ITGA1: variants seen among roughly 807,000 people sequenced by gnomAD.
The protein encoded by ITGA1 is integrin subunit alpha 1, also known as integrin alpha-1.
A neutral mutation model predicts 145.9 loss-of-function variants in ITGA1; 85 were observed. The observed-to-expected ratio is 0.58, with a 90% confidence interval of 0.49 to 0.70. The LOEUF is 0.70. ITGA1 is among the 30% of genes least tolerant of loss of function. The probability of loss-of-function intolerance (pLI) is 0.00; values close to 1 mark genes in which losing one functional copy is unlikely to be tolerated. For missense variants in ITGA1, 1,351 were observed against 1,418.7 expected (o/e 0.95, Z 0.77); for synonymous variants, 520 against 495.3 (o/e 1.05, Z -0.66).
chr5:52,856,361 C>G (rs1333956202), intron 2 of ITGA1, among the ~76,000 whole-genome samples: 1 of 152,110 alleles, frequency 6.6e-6, no homozygotes, highest in Non-Finnish European at 1.5e-5. Flanking sequence ...TAGATTTTCC[C>G]CCACTTGATA....
At chr5:52,935,738 C>T (rs1309468781) in intron 23 of ITGA1, among the ~76,000 whole-genome samples, 1 of 152,070 alleles carries the variant, frequency 6.6e-6, no homozygotes, top group Admixed American at 6.6e-5. Context: ...AAGGAAAATG[C>T]CATAGCATAA....
At position 52,861,341 on chromosome 5, in the gene ITGA1, C is replaced by T. The variant is rs899678697; in HGVS notation, c.183-106C>T. ...AAATTACTAATAGCATGATTATTAT[C>T]TGATTATGAGTGTTATTGTCAATTA... On this transcript the variant is annotated intron_variant, in intron 2 of 28. Coordinates refer to ENST00000282588, the MANE Select transcript of ITGA1 (RefSeq NM_181501.2). The T allele has an allele frequency of 8.8e-6, 6 of 681,128 alleles. No individual in the cohort carries two copies. The African/African-American group carries it at 1.1e-4, about 12-fold the overall frequency. The allele number at this position is 681,128 out of a possible 1,614,324, so 42.2% of individuals were successfully genotyped here.
chr5:52,881,061 G>A (rs1486720804), intron 6 of ITGA1, among the ~76,000 whole-genome samples: 4 of 152,176 alleles, frequency 2.6e-5, no homozygotes, highest in Admixed American at 6.5e-5. Flanking sequence ...CCAATCTGTG[G>A]ACTAAAGGGA....
intron 23 of ITGA1, among the ~76,000 whole-genome samples, chr5:52,935,552 C>A (rs1046402150): frequency 6.6e-6 from 1 of 152,082 alleles, no homozygotes; most frequent in Non-Finnish European, 1.5e-5. Context: ...TCATTCCAAC[C>A]TTCTTACCTC....
intron 1 of ITGA1, among the ~76,000 whole-genome samples, chr5:52,795,124 C>T (rs1480353023): frequency 6.6e-6 from 1 of 151,750 alleles, no homozygotes; most frequent in Non-Finnish European, 1.5e-5. Flanking sequence ...GTTAAAAACT[C>T]TGAATTAAAG....
chr5:52,844,541 C>T (rs6895807), intron 1 of ITGA1, among the ~76,000 whole-genome samples: 41,827 of 151,994 alleles, frequency 0.28, 6,049 homozygotes, highest in South Asian at 0.39. Context: ...AAGCTTTCTT[C>T]TCCTTATTTT....
intron 1 of ITGA1, among the ~76,000 whole-genome samples, chr5:52,815,329 G>A (rs958717521): frequency 5.9e-5 from 9 of 152,144 alleles, no homozygotes; most frequent in African/African-American, 1.7e-4. Flanking sequence ...TGGGATGGGG[G>A]AAAACAGTAG....
intron 26 of ITGA1, among the ~76,000 whole-genome samples, chr5:52,942,183 T>C (rs902171117): frequency 6.6e-6 from 1 of 152,224 alleles, no homozygotes; most frequent in African/African-American, 2.4e-5. Context: ...CGTAGCCTTA[T>C]AGTAGAGTTC....
intron 28 of ITGA1, among the ~76,000 whole-genome samples, chr5:52,951,010 T>C (rs796321014): frequency 7.9e-5 from 12 of 152,284 alleles, no homozygotes; most frequent in African/African-American, 2.9e-4. Flanking sequence ...TTTTCATGTG[T>C]ATTTGTTCCG....
chr5:52,844,715 A>G (rs531085531), intron 1 of ITGA1, among the ~76,000 whole-genome samples: 1 of 152,210 alleles, frequency 6.6e-6, no homozygotes, highest in South Asian at 2.1e-4. Flanking sequence ...CATCTGTCTT[A>G]TCTATGTTTA....
chr5:52,944,401 C>G (rs1751099549), intron 26 of ITGA1, among the ~76,000 whole-genome samples: 1 of 152,146 alleles, frequency 6.6e-6, no homozygotes, highest in Non-Finnish European at 1.5e-5. Flanking sequence ...GCAGGGTTCC[C>G]AGCTTCTCCC....
rs189954357 is a variant in ITGA1 at position 52,940,510 on chromosome 5, G to A, written c.3285+566G>A. Among the ~76,000 whole-genome samples the A allele has an allele frequency of 1.1e-3, 163 of 150,716 alleles. 2 individuals carry two copies. Among genetic ancestry groups the A allele is most frequent in the African/African-American group, 3.7e-3 (151 of 41,062 alleles). ...TGCAAGCTCCACCTCCCGGGTTCAC[G>A]CCATTCTCCTGCCTCAGCCTCCCGA... On this transcript the variant is annotated intron_variant, in intron 26 of 28. Coordinates refer to ENST00000282588, the MANE Select transcript of ITGA1 (RefSeq NM_181501.2).
At chr5:52,865,540 G>A (rs184407124) in intron 5 of ITGA1, 150 bp from the exon 6 acceptor site, 225 of 579,162 alleles carry the variant, frequency 3.9e-4, no homozygotes, top group African/African-American at 3.5e-3. Flanking sequence ...TTACTTTTTC[G>A]AAAACTATTT....
intron 1 of ITGA1, among the ~76,000 whole-genome samples, chr5:52,844,659 A>G (rs1749306751): frequency 6.6e-6 from 1 of 152,196 alleles, no homozygotes; most frequent in Non-Finnish European, 1.5e-5. Context: ...GGGAAAAATT[A>G]CTGGTTTTCA....
In ITGA1 at chr5:52,892,724, C is replaced by T. The variant is rs369296825; in HGVS notation, c.925-951C>T. Among the ~76,000 whole-genome samples the T allele has an allele frequency of 2.0e-4, 30 of 152,160 alleles. No homozygotes were observed. In the East Asian group the frequency reaches 2.5e-3, roughly 13 times the overall value. ...CTCTGAAAAGCATTGTACAAAGTCA[C>T]AGAAGCCAGACACAAATGGCTACAT... On this transcript the variant is annotated intron_variant, in intron 8 of 28. Transcript: ENST00000282588.
At chr5:52,838,881 G>A (rs1431447304) in intron 1 of ITGA1, among the ~76,000 whole-genome samples, 2 of 152,136 alleles carry the variant, frequency 1.3e-5, no homozygotes, top group Non-Finnish European at 2.9e-5. Context: ...CGGATCACTC[G>A]AGCCCAGGAG....
chr5:52,925,478 A>C lies in ITGA1; in HGVS notation c.2604A>C (p.Ser868=), dbSNP rs751535269. The C allele has an allele frequency of 3.1e-6, 5 of 1,610,080 alleles. No individual in the cohort carries two copies. The South Asian group carries it at 5.5e-5, about 18-fold the overall frequency. Reference sequence around the variant, plus strand: ...ATTATTCTCCAAATCTAGTTTTTTCAGGAATTGAGGTAAACTTCCAGTTTT... The same window carrying C: ...ATTATTCTCCAAATCTAGTTTTTTCCGGAATTGAGGTAAACTTCCAGTTTT... ...IVHYSPNLVF[S]GIEAIQKDSC... The change falls in exon 19 of 29, where the codon TCA becomes TCC. Residue 868 remains serine, a synonymous_variant. Coordinates refer to ENST00000282588, the MANE Select transcript of ITGA1 (RefSeq NM_181501.2).
At position 52,939,963 on chromosome 5, in the gene ITGA1, C is replaced by A. The variant is rs558345612; in HGVS notation, c.3285+19C>A. ...TATAAAAGTAAGTAAATACATAGTT[C>A]TATGCACTTATTGAATAATATCAAT... On this transcript the variant is annotated intron_variant, in intron 26 of 28. Transcript: ENST00000282588. 3 of 1,249,494 alleles carry A rather than the reference C, an allele frequency of 2.4e-6. No homozygotes were observed. The highest frequency in any genetic ancestry group is 2.3e-5 in the East Asian group (1 of 43,216). The allele number at this position is 1,249,494 out of a possible 1,614,324, so 77.4% of individuals were successfully genotyped here.
At chr5:52,950,753 A>G (rs1414530471) in intron 28 of ITGA1, among the ~76,000 whole-genome samples, 2 of 152,232 alleles carry the variant, frequency 1.3e-5, no homozygotes, top group Non-Finnish European at 2.9e-5. Flanking sequence ...GTAGAAGCCA[A>G]GGAGCATTGT....
Sources: allele counts gnomAD v4.1 joint callset (sites outside exome capture counted in the v4.1 genomes callset), GRCh38; gene constraint gnomAD v4.1.1; transcripts MANE v1.5; gene names NCBI Gene and HGNC (gene_info 2026-07-23, HGNC 2026-07-21).